LRMDA: variants seen among roughly 807,000 people sequenced by gnomAD.
LRMDA encodes leucine rich melanocyte differentiation associated, also known as leucine-rich melanocyte differentiation-associated protein.
A neutral mutation model predicts 29.8 loss-of-function variants in LRMDA; 18 were observed. The observed-to-expected ratio is 0.60, with a 90% CI of 0.42 to 0.90. The LOEUF is 0.90. Among genes scored for constraint, LRMDA ranks in the 40% least tolerant of loss-of-function variants. The pLI, the probability that LRMDA is intolerant of heterozygous loss-of-function variation, is 0.00. For synonymous variants in LRMDA, 125 were observed against 109.4 expected (o/e 1.14, Z -0.89); for missense variants, 273 against 273.9 (o/e 1.00, Z 0.02).
chr10:76,328,823 G>A (rs1475585043), intron 6 of LRMDA, among the ~76,000 whole-genome samples: 1 of 152,182 alleles, frequency 6.6e-6, no homozygotes, highest in African/African-American at 2.4e-5. Flanking sequence ...AACAAAAAGG[G>A]TGAATGCTCC....
At chr10:75,746,563 C>T (rs1407807027) in intron 2 of LRMDA, among the ~76,000 whole-genome samples, 3 of 152,080 alleles carry the variant, frequency 2.0e-5, no homozygotes, top group Non-Finnish European at 4.4e-5. Flanking sequence ...AAATATTTGT[C>T]AGAGGGTTTG....
At chr10:76,069,423 C>T (rs890582781) in intron 5 of LRMDA, among the ~76,000 whole-genome samples, 19 of 152,158 alleles carry the variant, frequency 1.2e-4, no homozygotes, top group African/African-American at 4.1e-4. Context: ...CTAAGTTCAA[C>T]GCCATTGTCA....
intron 2 of LRMDA, among the ~76,000 whole-genome samples, chr10:75,445,444 C>G: frequency 6.6e-6 from 1 of 152,220 alleles, no homozygotes; most frequent in East Asian, 1.9e-4. Flanking sequence ...AGATTACCCT[C>G]TGGAGAGGTG....
At chr10:76,321,712 A>G in intron 5 of LRMDA, among the ~76,000 whole-genome samples, 1 of 152,182 alleles carries the variant, frequency 6.6e-6, no homozygotes, top group East Asian at 1.9e-4. Flanking sequence ...TTGGAGGTCG[A>G]GGCAGGTGGA....
intron 5 of LRMDA, among the ~76,000 whole-genome samples, chr10:76,103,392 C>G (rs993569934): frequency 6.6e-6 from 1 of 152,174 alleles, no homozygotes; most frequent in South Asian, 2.1e-4. Context: ...CCTCATCATG[C>G]AGAGTGGATG....
At chr10:76,024,045 C>T (rs1848020855) in intron 2 of LRMDA, among the ~76,000 whole-genome samples, 1 of 152,218 alleles carries the variant, frequency 6.6e-6, no homozygotes, top group South Asian at 2.1e-4. Context: ...AAAGTCTTAG[C>T]TCACAAAACC....
intron 5 of LRMDA, among the ~76,000 whole-genome samples, chr10:76,306,250 GTTC>G (rs1382764789): frequency 1.3e-5 from 2 of 152,190 alleles, no homozygotes; most frequent in Non-Finnish European, 2.9e-5. Flanking sequence ...AAGCTTCATG[GTTC>G]TTCTTCAGAT....
chr10:76,026,295 G>A (rs532620314), intron 2 of LRMDA, among the ~76,000 whole-genome samples: 1 of 152,216 alleles, frequency 6.6e-6, no homozygotes, highest in Non-Finnish European at 1.5e-5. Context: ...AGTATGTAGA[G>A]GTAGTTTAAC....
intron 6 of LRMDA, among the ~76,000 whole-genome samples, chr10:76,377,889 G>C (rs1267285858): frequency 6.6e-6 from 1 of 152,014 alleles, no homozygotes; most frequent in Non-Finnish European, 1.5e-5. Context: ...CTGAATTTTA[G>C]GATTATTTTC....
intron 2 of LRMDA, among the ~76,000 whole-genome samples, chr10:75,592,329 T>C (rs1840733232): frequency 1.3e-5 from 2 of 152,202 alleles, no homozygotes; most frequent in Non-Finnish European, 2.9e-5. Flanking sequence ...GCTTTTTGTT[T>C]GTCTGTTTGT....
intron 6 of LRMDA, among the ~76,000 whole-genome samples, chr10:76,401,138 C>T (rs1485510626): frequency 6.6e-6 from 1 of 152,108 alleles, no homozygotes; most frequent in African/African-American, 2.4e-5. Flanking sequence ...TTCATCTTTC[C>T]ATGCCCTTGA....
intron 5 of LRMDA, among the ~76,000 whole-genome samples, chr10:76,223,133 G>A (rs1447486301): frequency 6.6e-6 from 1 of 151,628 alleles, no homozygotes; most frequent in African/African-American, 2.4e-5. Context: ...GGGGGAGTGG[G>A]GAGGGATAGC....
At chr10:76,180,400 C>A (rs1851024874) in intron 5 of LRMDA, among the ~76,000 whole-genome samples, 1 of 150,976 alleles carries the variant, frequency 6.6e-6, no homozygotes, top group Admixed American at 6.6e-5. Flanking sequence ...CTCCCTCAGC[C>A]TCCCAAGTGG....
At chr10:75,893,659 G>T (rs1405041528) in intron 2 of LRMDA, among the ~76,000 whole-genome samples, 3 of 152,138 alleles carry the variant, frequency 2.0e-5, no homozygotes, top group Admixed American at 2.0e-4. Context: ...CCCTGGGCTG[G>T]GCATAGTGGC....
intron 2 of LRMDA, among the ~76,000 whole-genome samples, chr10:75,648,237 T>C (rs995754401): frequency 4.6e-5 from 7 of 152,182 alleles, no homozygotes; most frequent in Non-Finnish European, 1.0e-4. Flanking sequence ...GAACTTGCCC[T>C]AGATCATGGT....
chr10:76,408,046 G>C (rs945162583), intron 6 of LRMDA, among the ~76,000 whole-genome samples: 1 of 152,142 alleles, frequency 6.6e-6, no homozygotes, highest in Non-Finnish European at 1.5e-5. Context: ...ACTCCTCCCA[G>C]TGTTATCTCA....
At chr10:75,748,443 C>A (rs919526528) in intron 2 of LRMDA, among the ~76,000 whole-genome samples, 7 of 151,940 alleles carry the variant, frequency 4.6e-5, no homozygotes, top group Non-Finnish European at 8.8e-5. Context: ...ACTCTTTTTT[C>A]CTTATATTTC....
At chr10:75,764,643 A>T (rs1033298522) in intron 2 of LRMDA, among the ~76,000 whole-genome samples, 5 of 152,206 alleles carry the variant, frequency 3.3e-5, no homozygotes, top group Non-Finnish European at 5.9e-5. Flanking sequence ...GGGCATCAGT[A>T]ATCTTTGCTC....
At chr10:76,516,327 A>G (rs991818100) in intron 6 of LRMDA, among the ~76,000 whole-genome samples, 3 of 147,712 alleles carry the variant, frequency 2.0e-5, no homozygotes, top group Non-Finnish European at 4.5e-5. Context: ...AGAGAAAGCA[A>G]TAAGTTTTTT....
Sources: gnomAD v4.1 joint callset for allele counts (sites outside exome capture counted in the v4.1 genomes callset) on GRCh38, gnomAD v4.1.1 for gene constraint, MANE v1.5 for transcripts, NCBI Gene and HGNC (gene_info 2026-07-23, HGNC 2026-07-21) for gene names.